The following AIG1 variants were observed in gnomAD, a reference collection of about 807,000 sequenced individuals.
The protein encoded by AIG1 is androgen induced 1.
AIG1 carries 23 observed loss-of-function variants against 31.4 expected under a neutral mutation model. The observed-to-expected ratio is 0.73, with a 90% CI of 0.53 to 1.04. AIG1 has a LOEUF of 1.04. Ranked by LOEUF, AIG1 falls within the 50% of genes least tolerant of loss-of-function variation. The probability of loss-of-function intolerance (pLI) is 0.00; values close to 1 mark genes in which losing one functional copy is unlikely to be tolerated. For missense variants in AIG1, 274 were observed against 295.0 expected (o/e 0.93, Z 0.52); for synonymous variants, 100 against 110.5 (o/e 0.90, Z 0.60).
intron 1 of AIG1, among the ~76,000 whole-genome samples, chr6:143,091,165 C>T (rs112847327): frequency 1.3e-5 from 2 of 152,248 alleles, no homozygotes; most frequent in South Asian, 2.1e-4. Context: ...ACTTTTAATT[C>T]CATTTCTCTT....
In AIG1 at chr6:143,203,379, G is replaced by A. The variant is rs868129673; in HGVS notation, c.399+38196G>A. ...CCACAGCCAGATGGAATAGTGGCTC[G>A]AGACCTTAAGTTAAATTACATTCAA... On this transcript the variant is annotated intron_variant, in intron 3 of 5. Transcript: ENST00000357847. Among the ~76,000 whole-genome samples, 9 of 152,208 alleles carry A rather than the reference G, an allele frequency of 5.9e-5. No homozygotes were observed. In the South Asian group the frequency reaches 1.9e-3, roughly 32 times the overall value.
At chr6:143,154,197 C>G (rs141810694) in intron 2 of AIG1, among the ~76,000 whole-genome samples, 1 of 151,890 alleles carries the variant, frequency 6.6e-6, no homozygotes, top group Admixed American at 6.6e-5. Context: ...TTAAAATTTT[C>G]TAAAGATATG....
chr6:143,074,604 G>A (rs916566753), intron 1 of AIG1, among the ~76,000 whole-genome samples: 2 of 152,124 alleles, frequency 1.3e-5, no homozygotes, highest in Non-Finnish European at 2.9e-5. Flanking sequence ...ACTGGTCCAT[G>A]TTTATATCAG....
At chr6:143,252,527 A>G (rs1047655085) in intron 3 of AIG1, among the ~76,000 whole-genome samples, 2 of 152,228 alleles carry the variant, frequency 1.3e-5, no homozygotes, top group African/African-American at 2.4e-5. Context: ...GAAATTTTTC[A>G]TAAATTCCTT....
chr6:143,189,221 A>AT, intron 3 of AIG1: 1 of 432,988 alleles, frequency 2.3e-6, no homozygotes, highest in Non-Finnish European at 3.1e-6. Context: ...TTTTTTAAAA[A>AT]TTTTTTTGTA....
chr6:143,166,983 T>C (rs945414749), intron 3 of AIG1, among the ~76,000 whole-genome samples: 29 of 152,226 alleles, frequency 1.9e-4, no homozygotes, highest in African/African-American at 7.0e-4. Context: ...TTACATTGTA[T>C]AGCTTTTATA....
chr6:143,157,276 G>C lies in AIG1; in HGVS notation c.298-7806G>C, dbSNP rs541315930. On this transcript the variant is annotated intron_variant, in intron 2 of 5. Transcript: ENST00000357847. ...GAAGGTGTAGGCCCTCTGCGGGCCA[G>C]GCTCCTCTGGCTTAATTTCCTCCAC... Among the ~76,000 whole-genome samples the C allele has an allele frequency of 4.9e-4, 74 of 152,328 alleles. 1 individual carries two copies. The highest frequency in any genetic ancestry group is 3.3e-3 in the South Asian group (16 of 4,828).
At chr6:143,161,273 G>A (rs1290904420) in intron 2 of AIG1, among the ~76,000 whole-genome samples, 1 of 152,056 alleles carries the variant, frequency 6.6e-6, no homozygotes, top group East Asian at 1.9e-4. Context: ...TGCAAGTCCA[G>A]ATGGCTTTAC....
chr6:143,071,962 A>AT (rs149137916), intron 1 of AIG1, among the ~76,000 whole-genome samples: 8,681 of 148,412 alleles, frequency 0.058, 641 homozygotes, highest in East Asian at 0.38. Context: ...TTTTTTTTAA[A>AT]TTTTTTTTTT....
chr6:143,142,751 A>G (rs936278071), intron 2 of AIG1, among the ~76,000 whole-genome samples: 1 of 152,236 alleles, frequency 6.6e-6, no homozygotes, highest in African/African-American at 2.4e-5. Context: ...GACTTAGTGA[A>G]GATTTTATAG....
intron 1 of AIG1, among the ~76,000 whole-genome samples, chr6:143,111,400 G>A (rs905872627): frequency 5.3e-5 from 8 of 152,078 alleles, no homozygotes; most frequent in African/African-American, 9.7e-5. Context: ...CTTCTTTTGC[G>A]GCTTTCTTGA....
rs747714836 is a variant in AIG1 at position 143,060,902 on chromosome 6, A to C, written c.-24A>C. On this transcript the variant is annotated 5_prime_UTR_variant, in exon 1 of 6. Transcript: ENST00000357847. The stretch of plus-strand genomic sequence containing the variant: ...CTCACGCCCGCCCTCCTTGCCGCCC[A>C]GCCGGTCCAGGCCTCTGGCGAACAT... 1 of 1,464,228 alleles carries C rather than the reference A, an allele frequency of 6.8e-7. No homozygotes were observed. The highest frequency in any genetic ancestry group is 2.8e-5 in the East Asian group (1 of 36,324). 90.7% of individuals were successfully genotyped at this position (1,464,228 alleles called of 1,614,324 possible).
chr6:143,092,016 T>G (rs1228408906), intron 1 of AIG1, among the ~76,000 whole-genome samples: 1 of 152,314 alleles, frequency 6.6e-6, no homozygotes, highest in African/African-American at 2.4e-5. Flanking sequence ...AAAAAAATGG[T>G]GAATCCTTTC....
intron 1 of AIG1, among the ~76,000 whole-genome samples, chr6:143,135,097 A>T (rs1783613536): frequency 6.6e-6 from 1 of 152,136 alleles, no homozygotes; most frequent in Non-Finnish European, 1.5e-5. Context: ...TGGTTGTTCT[A>T]CATCTTTGTA....
At chr6:143,148,317 A>AACCAAACCC in intron 2 of AIG1, among the ~76,000 whole-genome samples, 2 of 148,056 alleles carry the variant, frequency 1.4e-5, no homozygotes, top group South Asian at 4.4e-4. Flanking sequence ...CCTGGGGAAC[A>AACCAAACCC]TAGTGAGATC....
At position 143,288,267 on chromosome 6, in the gene AIG1, C is replaced by T. The variant is rs1426926157; in HGVS notation, c.515+4042C>T. Among the ~76,000 whole-genome samples the T allele has an allele frequency of 6.6e-6, 1 of 151,874 alleles. No homozygotes were observed. The highest frequency in any genetic ancestry group is 1.5e-5 in the Non-Finnish European group (1 of 68,024). On this transcript the variant is annotated intron_variant, in intron 4 of 5. Coordinates refer to ENST00000357847, the MANE Select transcript of AIG1 (RefSeq NM_016108.4). The surrounding 1 kb of genome is among the most constrained non-coding windows in gnomAD (Gnocchi z 4.4). ...CCCTAGGAAATGTACACCCTCAAAGCTTCAAGAATGGTCTCTCTCCTAAGG... is the reference window on the plus strand; with the variant it reads ...CCCTAGGAAATGTACACCCTCAAAGTTTCAAGAATGGTCTCTCTCCTAAGG...
rs1795521603 is a variant in AIG1, at chr6:143,258,507, A to G, written c.400-25603A>G. 6.6e-6 allele frequency among the ~76,000 whole-genome samples: 1 copy of G among 152,196 alleles called. No homozygotes were observed. Among genetic ancestry groups the G allele is most frequent in the Non-Finnish European group, 1.5e-5 (1 of 68,038 alleles). ...TGCAAAACTCACAAAATTTTTGTTT[A>G]AAGATTTTTCTTCTTGCAAATGCTT... On this transcript the variant is annotated intron_variant, in intron 3 of 5. Coordinates refer to ENST00000357847, the MANE Select transcript of AIG1 (RefSeq NM_016108.4). This position sits in a 1 kb window ranked among gnomAD's most constrained non-coding sequence, Gnocchi z 4.7.
intron 3 of AIG1, among the ~76,000 whole-genome samples, chr6:143,236,273 G>A (rs1200615804): frequency 6.6e-6 from 1 of 152,202 alleles, no homozygotes; most frequent in Non-Finnish European, 1.5e-5. Flanking sequence ...GTGTCTGTCC[G>A]GCTCAGCCCA....
intron 5 of AIG1, among the ~76,000 whole-genome samples, chr6:143,336,355 C>T (rs1362512901): frequency 6.6e-6 from 1 of 152,148 alleles, no homozygotes; most frequent in East Asian, 1.9e-4. Context: ...GAAACCGACC[C>T]TTTCCTTTCA....
Sources: allele counts gnomAD v4.1 joint callset (sites outside exome capture counted in the v4.1 genomes callset), GRCh38; gene constraint gnomAD v4.1.1; non-coding constraint Gnocchi (gnomAD v3.1); transcripts MANE v1.5; gene names NCBI Gene and HGNC (gene_info 2026-07-23, HGNC 2026-07-21).